The following RALGPS1 variants were observed in gnomAD, a reference collection of about 807,000 sequenced individuals.
RALGPS1 encodes the protein ras-specific guanine nucleotide-releasing factor RalGPS1.
A neutral mutation model predicts 78.8 loss-of-function variants in RALGPS1; 19 were observed. The ratio of observed to expected loss-of-function variants is 0.24; its 90% confidence interval spans 0.17 to 0.35. The LOEUF is 0.35. RALGPS1 is among the 10% of genes least tolerant of loss of function. RALGPS1 has a pLI of 1.00. For synonymous variants in RALGPS1, 228 were observed against 256.3 expected, an observed-to-expected ratio of 0.89 and a Z score of 1.06; for missense variants, 454 against 688.3, an observed-to-expected ratio of 0.66 and a Z score of 3.81.
At chr9:126,928,520 A>C (rs1047779827) in intron 1 of RALGPS1, among the ~76,000 whole-genome samples, 2 of 152,172 alleles carry the variant, frequency 1.3e-5, no homozygotes, top group Non-Finnish European at 2.9e-5. Flanking sequence ...AACATAAAGA[A>C]ATGTTTCAGA....
intron 8 of RALGPS1, among the ~76,000 whole-genome samples, chr9:127,161,613 G>A (rs1175652323): frequency 1.3e-4 from 20 of 152,200 alleles, no homozygotes; most frequent in Admixed American, 1.3e-3. Flanking sequence ...GTGGAGAGTA[G>A]CAGGTGGTAG....
rs1271678779 is a variant in RALGPS1, at chr9:127,091,994, C to T, written c.610+22638C>T. ...TGGAGCCTGCAGCACCTGCAGCCAG[C>T]AGGCTTGGCTGTCAGACACTCAGCC... On this transcript the variant is annotated intron_variant, in intron 8 of 18. Coordinates refer to ENST00000259351, the MANE Select transcript of RALGPS1 (RefSeq NM_014636.3). The surrounding 1 kb of genome is among the most constrained non-coding windows in gnomAD (Gnocchi z 4.3). 15 of 1,587,602 alleles carry T rather than the reference C, an allele frequency of 9.4e-6. No homozygotes were observed. The highest frequency in any genetic ancestry group is 1.3e-5 in the Non-Finnish European group (15 of 1,165,610).
intron 7 of RALGPS1, among the ~76,000 whole-genome samples, chr9:127,063,626 C>T (rs1182406938): frequency 6.6e-6 from 1 of 151,924 alleles, no homozygotes; most frequent in East Asian, 1.9e-4. Context: ...CCAATTTTGT[C>T]ATTGATTTCT....
Position 127,091,611 on chromosome 9 carries a change from T to C in RALGPS1, c.610+22255T>C. ...TTCCAAGCCCTGGAGTCAGGGGCTC[T>C]GGCTCTGGTTGACCTCTTTTCCCTA... On this transcript the variant is annotated intron_variant, in intron 8 of 18. Transcript: ENST00000259351. The surrounding 1 kb of genome is among the most constrained non-coding windows in gnomAD (Gnocchi z 4.3). The C allele has an allele frequency of 6.4e-7, 1 of 1,570,054 alleles. No homozygotes were observed. Among genetic ancestry groups the C allele is most frequent in the Non-Finnish European group, 8.6e-7 (1 of 1,157,368 alleles).
intron 8 of RALGPS1, among the ~76,000 whole-genome samples, chr9:127,118,418 A>G (rs1483269654): frequency 1.3e-5 from 2 of 152,250 alleles, no homozygotes; most frequent in Non-Finnish European, 2.9e-5. Flanking sequence ...GGGGTGTTTT[A>G]TATAAATTCA....
intron 4 of RALGPS1, among the ~76,000 whole-genome samples, chr9:127,023,262 T>C (rs2045638165): frequency 6.6e-6 from 1 of 152,238 alleles, no homozygotes; most frequent in African/African-American, 2.4e-5. Flanking sequence ...TTGTCCTTTG[T>C]GGCCTTGAGT....
chr9:127,014,166 A>G (rs534529130), intron 4 of RALGPS1, among the ~76,000 whole-genome samples: 5 of 152,356 alleles, frequency 3.3e-5, no homozygotes, highest in African/African-American at 4.8e-5. Context: ...GAACACTGCC[A>G]TGGTCTTGCT....
At chr9:127,188,996 TCAA>T (rs1159518126) in intron 11 of RALGPS1, among the ~76,000 whole-genome samples, 4 of 34,348 alleles carry the variant, frequency 1.2e-4, no homozygotes, top group Non-Finnish European at 1.9e-4. Flanking sequence ...CAAGACTGTC[TCAA>T]AAAAAAAAAA....
In RALGPS1 at chr9:127,091,798, C is replaced by A. The variant is rs141690990; in HGVS notation, c.610+22442C>A. The A allele has an allele frequency of 2.2e-5, 36 of 1,614,046 alleles. No homozygotes were observed. The highest frequency in any genetic ancestry group is 2.9e-5 in the Non-Finnish European group (34 of 1,180,046). Reference sequence around the variant, plus strand: ...ATAATACTCGCTCTCAGGTTCCAGGCGGAAACTGGCGTATTCTGCAAAGAC... The same window carrying A: ...ATAATACTCGCTCTCAGGTTCCAGGAGGAAACTGGCGTATTCTGCAAAGAC... On this transcript the variant is annotated intron_variant, in intron 8 of 18. Transcript: ENST00000259351. The surrounding 1 kb of genome is among the most constrained non-coding windows in gnomAD (Gnocchi z 4.3).
At chr9:127,098,355 C>A (rs780163131) in intron 8 of RALGPS1, among the ~76,000 whole-genome samples, 1 of 152,240 alleles carries the variant, frequency 6.6e-6, no homozygotes, top group African/African-American at 2.4e-5. Context: ...CAGGCCAACA[C>A]TAACTCGGCA....
At chr9:127,108,075 A>C in intron 8 of RALGPS1, 1 of 1,452,786 alleles carries the variant, frequency 6.9e-7, no homozygotes, top group Non-Finnish European at 9.4e-7. Flanking sequence ...GGGGCGGGGC[A>C]GCGGGGGGTG....
intron 4 of RALGPS1, among the ~76,000 whole-genome samples, chr9:127,000,162 T>C (rs531533088): frequency 6.6e-6 from 1 of 152,278 alleles, no homozygotes; most frequent in Non-Finnish European, 1.5e-5. Context: ...GAGCTTTTGG[T>C]TTCATTATTT....
At chr9:127,208,376 C>A (rs1414150770) in intron 14 of RALGPS1, among the ~76,000 whole-genome samples, 1 of 152,328 alleles carries the variant, frequency 6.6e-6, no homozygotes, top group Admixed American at 6.5e-5. Context: ...TGACAGACCC[C>A]ACCATGTTTA....
At chr9:127,159,699 A>G (rs983592208) in intron 8 of RALGPS1, among the ~76,000 whole-genome samples, 1 of 152,208 alleles carries the variant, frequency 6.6e-6, no homozygotes, top group Non-Finnish European at 1.5e-5. Context: ...AGATCTCATC[A>G]TGCAGTAGAT....
intron 8 of RALGPS1, among the ~76,000 whole-genome samples, chr9:127,157,886 G>A (rs903564422): frequency 1.3e-5 from 2 of 151,978 alleles, no homozygotes; most frequent in African/African-American, 4.8e-5. Context: ...AGATATTCTT[G>A]ATTTGTTCCT....
At chr9:127,040,927 G>T (rs2047233248) in intron 5 of RALGPS1, among the ~76,000 whole-genome samples, 1 of 151,682 alleles carries the variant, frequency 6.6e-6, no homozygotes, top group African/African-American at 2.4e-5. Context: ...CCATTGTATG[G>T]ATTTACCATC....
intron 7 of RALGPS1, among the ~76,000 whole-genome samples, chr9:127,064,891 G>C (rs979546519): frequency 5.8e-5 from 6 of 102,864 alleles, no homozygotes; most frequent in Non-Finnish European, 1.2e-4. Flanking sequence ...TTTGTTTTTG[G>C]TTTTGGTTTT....
At position 127,211,692 on chromosome 9, in the gene RALGPS1, A is replaced by C. The variant is rs186976431; in HGVS notation, c.1248-439A>C. Among the ~76,000 whole-genome samples, 2 of 152,166 alleles carry C rather than the reference A, an allele frequency of 1.3e-5. No homozygotes were observed. Among genetic ancestry groups the C allele is most frequent in the Non-Finnish European group, 2.9e-5 (2 of 67,978 alleles). On this transcript the variant is annotated intron_variant, in intron 14 of 18. Transcript: ENST00000259351. The surrounding 1 kb of genome is among the most constrained non-coding windows in gnomAD (Gnocchi z 5.0). ...GGGCTCGCGTCCCTCCTGTCCCTCC[A>C]CACCACCTCTTCCCTTCCTCGCTGC... is the stretch of plus-strand genomic sequence containing the variant.
chr9:127,075,032 A>G (rs1233509265), intron 8 of RALGPS1, among the ~76,000 whole-genome samples: 3 of 152,370 alleles, frequency 2.0e-5, no homozygotes, highest in Non-Finnish European at 2.9e-5. Context: ...GGCATTGGTC[A>G]GCCTGTGCCA....
Sources: allele counts gnomAD v4.1 joint callset (sites outside exome capture counted in the v4.1 genomes callset), GRCh38; gene constraint gnomAD v4.1.1; non-coding constraint Gnocchi (gnomAD v3.1); transcripts MANE v1.5; gene names NCBI Gene and HGNC (gene_info 2026-07-23, HGNC 2026-07-21).